Variants in ITGB8 observed in about 807,000 individuals in gnomAD.
The protein encoded by ITGB8 is integrin subunit beta 8.
A neutral mutation model predicts 89.5 loss-of-function variants in ITGB8; 30 were observed. The observed-to-expected ratio is 0.34, with a 90% CI of 0.25 to 0.45. The LOEUF (loss-of-function observed/expected upper bound fraction) is 0.45, where lower values mean the gene tolerates loss of function less well. ITGB8 is among the 20% of genes least tolerant of loss of function. The pLI, the probability that ITGB8 is intolerant of heterozygous loss-of-function variation, is 1.00. For synonymous variants in ITGB8, 335 were observed against 320.4 expected (o/e 1.05, Z -0.49); for missense variants, 836 against 933.3 (o/e 0.90, Z 1.36).
At chr7:20,333,141 A>G (rs1230765913) in intron 1 of ITGB8, among the ~76,000 whole-genome samples, 1 of 152,158 alleles carries the variant, frequency 6.6e-6, no homozygotes, top group African/African-American at 2.4e-5. Context: ...TAGGTTTTAT[A>G]TATATAGATA....
At chr7:20,393,057 G>A (rs1786928015) in intron 7 of ITGB8, among the ~76,000 whole-genome samples, 3 of 152,196 alleles carry the variant, frequency 2.0e-5, no homozygotes, top group African/African-American at 4.8e-5. Flanking sequence ...TTTTAAAGAT[G>A]AGGAATCATA....
At chr7:20,358,709 AT>A (rs534067936) in intron 1 of ITGB8, among the ~76,000 whole-genome samples, 1 of 151,834 alleles carries the variant, frequency 6.6e-6, no homozygotes, top group African/African-American at 2.4e-5. Flanking sequence ...AGCCAGCAGT[AT>A]TTTTTTTAAA....
chr7:20,356,687 G>C (rs1200676984), intron 1 of ITGB8, among the ~76,000 whole-genome samples: 1 of 152,158 alleles, frequency 6.6e-6, no homozygotes, highest in Admixed American at 6.5e-5. Context: ...TAAATATCAA[G>C]TACTACAGTC....
chr7:20,399,743 G>A (rs1056538896), intron 9 of ITGB8, among the ~76,000 whole-genome samples: 4 of 152,096 alleles, frequency 2.6e-5, no homozygotes, highest in Middle Eastern at 3.2e-3. Context: ...AGTCATTTAC[G>A]TCATGAGGCA....
rs59402581 is a variant in ITGB8 at position 20,332,493 on chromosome 7, TA to T, written c.127+572del. On this transcript the variant is annotated intron_variant, in intron 1 of 13. Transcript: ENST00000222573. ...GCTTTAAGTCATCATCCTTTCGGCTTAAAAAAAAAAAATACTATCTAATTGA... is the reference window on the plus strand; with the variant it reads ...GCTTTAAGTCATCATCCTTTCGGCTTAAAAAAAAAAATACTATCTAATTGA... 6.2e-3 allele frequency among the ~76,000 whole-genome samples: 927 copies of T among 150,318 alleles called. 9 individuals are homozygous for T. The highest frequency in any genetic ancestry group is 0.029 in the East Asian group (152 of 5,154).
chr7:20,367,670 T>TC (rs1275736178), intron 3 of ITGB8, among the ~76,000 whole-genome samples: 2 of 151,410 alleles, frequency 1.3e-5, no homozygotes, highest in Non-Finnish European at 2.9e-5. Context: ...TATTACAAAG[T>TC]TCTTAGAGAC....
intron 1 of ITGB8, chr7:20,352,985 G>T (rs1785161710): frequency 6.6e-6 from 1 of 152,200 alleles, no homozygotes; most frequent in Non-Finnish European, 1.5e-5. Context: ...GATCCCATCT[G>T]ACTGGGCTTC....
In ITGB8 at chr7:20,331,806, T is replaced by A. The variant is rs1284921143; in HGVS notation, c.-1T>A. 1 of 1,612,508 alleles carries A rather than the reference T, an allele frequency of 6.2e-7. No homozygotes were observed. The highest frequency in any genetic ancestry group is 1.7e-5 in the Admixed American group (1 of 60,016). ...GGGCGCGGGGCGGGCTGTTTTGCAT[T>A]ATGTGCGGCTCGGCCCTGGCTTTTT... On this transcript the variant is annotated 5_prime_UTR_variant, in exon 1 of 14. Transcript: ENST00000222573.
chr7:20,391,978 A>T (rs1368090163), intron 7 of ITGB8, among the ~76,000 whole-genome samples: 8 of 152,148 alleles, frequency 5.3e-5, no homozygotes, highest in Non-Finnish European at 8.8e-5. Flanking sequence ...AAAAGGGGCC[A>T]TCGAAGTGTC....
intron 1 of ITGB8, among the ~76,000 whole-genome samples, chr7:20,362,469 C>T (rs994027787): frequency 2.9e-4 from 44 of 152,148 alleles, no homozygotes; most frequent in African/African-American, 1.0e-3. Context: ...ATGTGACTGC[C>T]TCTGGGGAGC....
At chr7:20,405,303 G>C (rs1012377457) in intron 11 of ITGB8, among the ~76,000 whole-genome samples, 1 of 150,074 alleles carries the variant, frequency 6.7e-6, no homozygotes, top group African/African-American at 2.5e-5. Context: ...TTACTGCTAT[G>C]TTTTATATTT....
chr7:20,404,805 G>A lies in ITGB8; in HGVS notation c.1865G>A (p.Arg622His), dbSNP rs767838901. The A allele has an allele frequency of 1.2e-5, 19 of 1,614,040 alleles. No individual in the cohort carries two copies. Among genetic ancestry groups the A allele is most frequent in the East Asian group, 4.5e-5 (2 of 44,902 alleles). The change falls in exon 11 of 14, where the codon CGC (arginine) becomes CAC (histidine). Residue 622 changes from arginine to histidine, a missense_variant. Physicochemically the swap from Arg to His is conservative, Grantham distance 29. Coordinates refer to ENST00000222573, the MANE Select transcript of ITGB8 (RefSeq NM_002214.3). ...CECTDPRSIG[R>H]FCEHCPTCYT... Reference sequence around the variant, plus strand: ...TGCACCGATCCCAGGAGCATCGGCCGCTTCTGTGAACACTGCCCCACCTGT... The same window carrying A: ...TGCACCGATCCCAGGAGCATCGGCCACTTCTGTGAACACTGCCCCACCTGT...
At chr7:20,395,032 A>G (rs1787013603) in intron 8 of ITGB8, 47 bp downstream of exon 8, 1 of 1,135,064 alleles carries the variant, frequency 8.8e-7, no homozygotes, top group Non-Finnish European at 1.3e-6. Context: ...TTTTACCTCA[A>G]TTTCTGTGAC....
chr7:20,369,126 T>C (rs1233290575), intron 3 of ITGB8, among the ~76,000 whole-genome samples: 1 of 152,248 alleles, frequency 6.6e-6, no homozygotes, highest in Non-Finnish European at 1.5e-5. Context: ...TCTCAATTCC[T>C]GCCTCTTCAC....
chr7:20,403,283 A>G (rs1420629947), intron 10 of ITGB8, among the ~76,000 whole-genome samples: 2 of 152,228 alleles, frequency 1.3e-5, no homozygotes, highest in African/African-American at 4.8e-5. Flanking sequence ...GAAAAATATT[A>G]TTTTACAGTG....
intron 7 of ITGB8, among the ~76,000 whole-genome samples, chr7:20,393,992 A>T (rs1366073983): frequency 3.9e-5 from 6 of 152,154 alleles, no homozygotes; most frequent in Non-Finnish European, 7.4e-5. Flanking sequence ...AAGGGTGGAA[A>T]CTATGTGACC....
intron 6 of ITGB8, among the ~76,000 whole-genome samples, chr7:20,383,009 GA>G (rs1235344741): frequency 1.6e-4 from 24 of 152,220 alleles, no homozygotes; most frequent in Non-Finnish European, 3.2e-4. Flanking sequence ...TTCTCTTGAA[GA>G]TTTAAATTAT....
intron 5 of ITGB8, chr7:20,381,277 C>T (rs1786375422): frequency 6.4e-6 from 1 of 156,006 alleles, no homozygotes; most frequent in Non-Finnish European, 1.4e-5. Context: ...ATTCTCCTGC[C>T]TCAGCCTCCC....
chr7:20,345,743 A>G (rs1389798332), intron 1 of ITGB8, among the ~76,000 whole-genome samples: 1 of 152,186 alleles, frequency 6.6e-6, no homozygotes, highest in Non-Finnish European at 1.5e-5. Context: ...ACAGGGTGAT[A>G]TGTGAAACTG....
Sources: allele counts gnomAD v4.1 joint callset (sites outside exome capture counted in the v4.1 genomes callset), GRCh38; gene constraint gnomAD v4.1.1; transcripts MANE v1.5; gene names NCBI Gene and HGNC (gene_info 2026-07-23, HGNC 2026-07-21).